Variants in MMP26 observed in about 807,000 individuals in gnomAD.
MMP26 encodes matrix metalloproteinase-26.
Under a neutral mutation model 31.0 loss-of-function variants are expected in MMP26, and 33 were observed. The ratio of observed to expected loss-of-function variants is 1.06; its 90% CI spans 0.81 to 1.42. The LOEUF (loss-of-function observed/expected upper bound fraction) is 1.42, where lower values mean the gene tolerates loss of function less well. Ranked by LOEUF, MMP26 falls within the 40% of genes most tolerant of loss-of-function variation. The pLI is 0.00. For missense variants in MMP26, 347 were observed against 316.1 expected (o/e 1.10, Z -0.74); for synonymous variants, 122 against 114.9 (o/e 1.06, Z -0.40).
At position 4,791,581 on chromosome 11, in the gene MMP26, G is replaced by T. The variant is rs1737734389; in HGVS notation, c.-145+24240G>T. Among the ~76,000 whole-genome samples the T allele has an allele frequency of 2.0e-5, 3 of 152,240 alleles. No individual in the cohort carries two copies. The South Asian group carries it at 6.2e-4, about 32-fold the overall frequency. On this transcript the variant is annotated intron_variant, in intron 2 of 7. Coordinates refer to ENST00000380390, the MANE Select transcript of MMP26 (RefSeq NM_021801.5). The stretch of plus-strand genomic sequence containing the variant: ...ATTGTTAATACTATCACAACAAATT[G>T]TTCCTGCCTTGTTACCTTTACCAGC...
intron 2 of MMP26, among the ~76,000 whole-genome samples, chr11:4,950,808 C>G (rs1846365242): frequency 8.1e-6 from 1 of 122,774 alleles, no homozygotes. Context: ...TGGAAAAATG[C>G]AAATTAATAT....
intron 2 of MMP26, among the ~76,000 whole-genome samples, chr11:4,836,013 A>G (rs1849714632): frequency 6.6e-6 from 1 of 152,054 alleles, no homozygotes; most frequent in Non-Finnish European, 1.5e-5. Context: ...AACTTAAGCA[A>G]ATAATTTTAT....
rs749072496 is a variant in MMP26 at position 4,821,705 on chromosome 11, A to G, written c.-145+54364A>G. The G allele has an allele frequency of 2.9e-5, 46 of 1,613,754 alleles. No homozygotes were observed. Among genetic ancestry groups the G allele is most frequent in the African/African-American group, 8.0e-5 (6 of 74,834 alleles). ...TTCTGGTTTGAAGCCCGAGAAATCA[A>G]CCTAAATGCCTGCATTGCCCAGATG... is the stretch of plus-strand genomic sequence containing the variant. On this transcript the variant is annotated intron_variant, in intron 2 of 7. Coordinates refer to ENST00000380390, the MANE Select transcript of MMP26 (RefSeq NM_021801.5).
At chr11:4,716,590 A>G (rs1440433095) in intron 1 of MMP26, among the ~76,000 whole-genome samples, 2 of 151,758 alleles carry the variant, frequency 1.3e-5, no homozygotes, top group Non-Finnish European at 2.9e-5. Flanking sequence ...GTATGAATAG[A>G]AAAAATCTCT....
intron 2 of MMP26, chr11:4,913,690 C>G (rs970814906): frequency 6.6e-6 from 1 of 152,172 alleles, no homozygotes; most frequent in Non-Finnish European, 1.5e-5. Context: ...TTTTCTTAAA[C>G]CTTCCTGACA....
At chr11:4,871,197 A>G (rs1158136238) in intron 2 of MMP26, among the ~76,000 whole-genome samples, 2 of 152,064 alleles carry the variant, frequency 1.3e-5, no homozygotes, top group South Asian at 2.1e-4. Context: ...TATTGGTGAC[A>G]TCTGCACATA....
chr11:4,797,740 G>A (rs763301242), intron 2 of MMP26, among the ~76,000 whole-genome samples: 2 of 152,124 alleles, frequency 1.3e-5, no homozygotes, highest in African/African-American at 4.8e-5. Flanking sequence ...GTACAGTTTT[G>A]CACGACTCCA....
intron 2 of MMP26, chr11:4,914,888 G>A (rs146980828): frequency 6.2e-7 from 1 of 1,614,012 alleles, no homozygotes; most frequent in Admixed American, 1.7e-5. Context: ...GCCAATCATG[G>A]GAGTGTAGAA....
chr11:4,870,804 A>C (rs1008628449), intron 2 of MMP26, among the ~76,000 whole-genome samples: 1 of 152,108 alleles, frequency 6.6e-6, no homozygotes, highest in Non-Finnish European at 1.5e-5. Flanking sequence ...ATTACAGTGG[A>C]GTTATCAAGT....
At chr11:4,729,786 C>G (rs539374035) in intron 1 of MMP26, among the ~76,000 whole-genome samples, 1 of 151,850 alleles carries the variant, frequency 6.6e-6, no homozygotes, top group East Asian at 2.0e-4. Flanking sequence ...AATGAGAAAG[C>G]CTCTCATTGA....
chr11:4,980,382 C>T (rs1475765443), intron 2 of MMP26, among the ~76,000 whole-genome samples: 1 of 152,024 alleles, frequency 6.6e-6, no homozygotes, highest in Non-Finnish European at 1.5e-5. Flanking sequence ...ACCACATCTT[C>T]CATGACCCAT....
chr11:4,858,421 A>G (rs1345840894), intron 2 of MMP26, among the ~76,000 whole-genome samples: 1 of 152,180 alleles, frequency 6.6e-6, no homozygotes, highest in Non-Finnish European at 1.5e-5. Context: ...AAGCATTCCT[A>G]TACACCAATA....
chr11:4,907,443 T>C (rs1850914215), intron 2 of MMP26: 1 of 1,614,002 alleles, frequency 6.2e-7, no homozygotes. Flanking sequence ...CATGCCCACA[T>C]TTGGTTCTCC....
chr11:4,959,228 ACT>A (rs1449909819), intron 2 of MMP26, among the ~76,000 whole-genome samples: 2 of 120,220 alleles, frequency 1.7e-5, no homozygotes, highest in Non-Finnish European at 3.5e-5. Context: ...ACAGAGAGAA[ACT>A]CTGTCTCAAA....
intron 2 of MMP26, among the ~76,000 whole-genome samples, chr11:4,940,499 A>G (rs1377753284): frequency 6.6e-6 from 1 of 152,218 alleles, no homozygotes; most frequent in African/African-American, 2.4e-5. Context: ...ACCATTTTAA[A>G]TCAGTGTGAT....
At chr11:4,777,377 C>T (rs1400338880) in intron 2 of MMP26, among the ~76,000 whole-genome samples, 2 of 151,846 alleles carry the variant, frequency 1.3e-5, no homozygotes, top group Non-Finnish European at 2.9e-5. Context: ...AAATATTTTC[C>T]CAAGTAGACA....
chr11:4,840,647 A>C (rs906238121), intron 2 of MMP26, among the ~76,000 whole-genome samples: 1 of 152,238 alleles, frequency 6.6e-6, no homozygotes, highest in African/African-American at 2.4e-5. Context: ...AGTAGATACA[A>C]CTTAGATCAC....
intron 2 of MMP26, among the ~76,000 whole-genome samples, chr11:4,782,428 G>A (rs1384179365): frequency 6.6e-6 from 1 of 152,192 alleles, no homozygotes; most frequent in African/African-American, 2.4e-5. Flanking sequence ...GGTATCTGGA[G>A]GAAGAAATTT....
intron 1 of MMP26, among the ~76,000 whole-genome samples, chr11:4,718,207 A>G (rs1373645346): frequency 4.6e-5 from 7 of 152,346 alleles, no homozygotes. Flanking sequence ...TCTAAAAGCT[A>G]GCGTAATTCA....
Sources: gnomAD v4.1 joint callset for allele counts (sites outside exome capture counted in the v4.1 genomes callset) on GRCh38, gnomAD v4.1.1 for gene constraint, MANE v1.5 for transcripts, NCBI Gene and HGNC (gene_info 2026-07-23, HGNC 2026-07-21) for gene names.